The following RB1CC1 variants were observed in gnomAD, a reference collection of about 807,000 sequenced individuals.
RB1CC1 encodes the protein RB1-inducible coiled-coil protein 1.
A neutral mutation model predicts 177.5 loss-of-function variants in RB1CC1; 46 were observed. The ratio of observed to expected loss-of-function variants is 0.26; its 90% confidence interval spans 0.20 to 0.33. The LOEUF (loss-of-function observed/expected upper bound fraction) is 0.33. Ranked by LOEUF, RB1CC1 falls within the 10% of genes least tolerant of loss-of-function variation. The pLI is 1.00. For missense variants in RB1CC1, 1,703 were observed against 1,816.3 expected, an observed-to-expected ratio of 0.94 and a Z score of 1.13; for synonymous variants, 666 against 613.6, an observed-to-expected ratio of 1.09 and a Z score of -1.26.
intron 22 of RB1CC1, 143 bp downstream of exon 22, chr8:52,627,889 T>G (rs1848505004): frequency 1.5e-6 from 1 of 659,016 alleles, no homozygotes; most frequent in African/African-American, 1.9e-5. Flanking sequence ...ATCTAGATAA[T>G]ACAGATTTTA....
chr8:52,634,506 G>A (rs551459574), intron 20 of RB1CC1, among the ~76,000 whole-genome samples: 10 of 151,572 alleles, frequency 6.6e-5, no homozygotes, highest in Non-Finnish European at 1.3e-4. Flanking sequence ...AAGCTACAGA[G>A]CAAGACTGTC....
chr8:52,663,924 T>C (rs540629858), intron 8 of RB1CC1, among the ~76,000 whole-genome samples: 1 of 152,314 alleles, frequency 6.6e-6, no homozygotes, highest in Admixed American at 6.5e-5. Flanking sequence ...TTGGAGCTTA[T>C]ATTCTGGGAA....
chr8:52,660,694 C>G, intron 11 of RB1CC1, 37 bp from the exon 12 acceptor site: 1 of 1,542,076 alleles, frequency 6.5e-7, no homozygotes, highest in Non-Finnish European at 8.8e-7. Context: ...TATTTTAGAG[C>G]TTTATTTAAG....
intron 3 of RB1CC1, 113 bp downstream of exon 3, chr8:52,685,286 G>A (rs1854169812): frequency 1.8e-5 from 13 of 739,212 alleles, no homozygotes; most frequent in Non-Finnish European, 2.9e-5. Context: ...TTACAGGCGT[G>A]AGGTACCGCA....
At chr8:52,624,038 G>A (rs774186911) in intron 23 of RB1CC1, among the ~76,000 whole-genome samples, 179 bp from the exon 24 acceptor site, 1 of 151,558 alleles carries the variant, frequency 6.6e-6, no homozygotes, top group African/African-American at 2.4e-5. Flanking sequence ...AGGGATGTGG[G>A]GGTCTTTATC....
intron 5 of RB1CC1, among the ~76,000 whole-genome samples, chr8:52,682,128 A>G (rs559680802): frequency 7.4e-4 from 112 of 152,338 alleles, no homozygotes; most frequent in Non-Finnish European, 1.3e-3. Flanking sequence ...CCACAGGGAC[A>G]GAGCTGCCCC....
rs1346529781 is a variant in RB1CC1, at chr8:52,657,010, A to C, written c.2819T>G (p.Ile940Arg). Residue 940 changes from isoleucine (I) to arginine (R), a missense_variant, in exon 15 of 24, where the codon ATA becomes AGA. Physicochemically the swap from Ile to Arg is moderately conservative, Grantham distance 97. Around this residue, in one of 6 missense-constraint regions of RB1CC1, gnomAD observed 1,169 missense variants for 1,184.7 expected, o/e 0.99. Coordinates refer to ENST00000025008, the MANE Select transcript of RB1CC1 (RefSeq NM_014781.5). The part of the protein sequence containing the change: ...KDQKLLEMEN[I>R]MHSQNCEIKE... ...AATTTCACAATTTTGAGAGTGCATT[A>C]TATTTTCCATCTCTAACAACTTCTG... The C allele has an allele frequency of 6.2e-7, 1 of 1,613,792 alleles. No homozygotes were observed.
rs1855700262 is a variant in RB1CC1 at position 52,698,669 on chromosome 8, GGTTTTTTTTTTTTTTTTTTTT to G, written c.-166-11723_-166-11703del. The stretch of plus-strand genomic sequence containing the variant: ...AACAAAAACTGTATATGTAATGGTT[GGTTTTTTTTTTTTTTTTTTTT>G]TTTTTTTTTTTTTTTTTTTTTTTTT... On this transcript the variant is annotated intron_variant, in intron 1 of 23. Transcript: ENST00000025008. Among the ~76,000 whole-genome samples the G allele has an allele frequency of 1.8e-4, 4 of 22,770 alleles. 1 individual carries two copies. The highest frequency in any genetic ancestry group is 1.4e-4 in the African/African-American group (1 of 7,330). The allele number at this position is 22,770 out of a possible 152,430, so 14.9% of individuals were successfully genotyped here.
intron 16 of RB1CC1, among the ~76,000 whole-genome samples, chr8:52,644,027 A>G (rs1316207275): frequency 6.6e-6 from 1 of 152,100 alleles, no homozygotes; most frequent in Admixed American, 6.5e-5. Flanking sequence ...GTATTAAGCC[A>G]TCTCTATGTA....
Position 52,714,172 on chromosome 8 carries a change from C to A in RB1CC1, c.-264G>T. On this transcript the variant is annotated 5_prime_UTR_variant, in exon 1 of 24. Transcript: ENST00000025008. ...CTAGTCCTCGGCAGCGGTTACCAAC[C>A]GCCCATTCGGCACCGCTAAGCCGAC... is the stretch of plus-strand genomic sequence containing the variant. 3.9e-6 allele frequency: 1 copy of A among 254,552 alleles called. No homozygotes were observed. The highest frequency in any genetic ancestry group is 3.0e-5 in the South Asian group (1 of 33,108). The allele number at this position is 254,552 out of a possible 1,614,324, so 15.8% of individuals were successfully genotyped here.
chr8:52,713,740 G>A (rs1233649317), intron 1 of RB1CC1, among the ~76,000 whole-genome samples: 2 of 152,228 alleles, frequency 1.3e-5, no homozygotes, highest in Non-Finnish European at 2.9e-5. Flanking sequence ...CGGGTACTAA[G>A]CGGCAGCGCA....
At chr8:52,642,671 A>T in intron 17 of RB1CC1, 33 bp downstream of exon 17, 2 of 1,571,396 alleles carry the variant, frequency 1.3e-6, no homozygotes, top group South Asian at 1.2e-5. Context: ...CCACTTTAAA[A>T]AATTAAAAAA....
rs1216211376 is a variant in RB1CC1 at position 52,683,966 on chromosome 8, A to C, written c.119T>G (p.Ile40Ser). ...ATTGACCACCAGCACCTGGTGTTGA[A>C]TAGCAATCTTGTATTTGCTTTGAAT... ...HAIQSKYKIA[I>S]QHQVLVVNGG... The change falls in exon 4 of 24, where the codon ATT becomes AGT. Residue 40 changes from isoleucine to serine, a missense_variant. Around this residue, in one of 6 missense-constraint regions of RB1CC1, gnomAD observed 118 missense variants for 121.2 expected, o/e 0.97. Coordinates refer to ENST00000025008, the MANE Select transcript of RB1CC1 (RefSeq NM_014781.5). The C allele has an allele frequency of 6.2e-7, 1 of 1,614,134 alleles. No individual in the cohort carries two copies.
intron 22 of RB1CC1, among the ~76,000 whole-genome samples, chr8:52,626,223 C>T (rs1848379991): frequency 6.6e-6 from 1 of 152,106 alleles, no homozygotes; most frequent in African/African-American, 2.4e-5. Context: ...AACTGGCATT[C>T]CTCAAAGGAA....
rs1241568090 is a variant in RB1CC1 at position 52,622,976 on chromosome 8, T to C, written c.*806A>G. 2.0e-5 allele frequency: 3 copies of C among 152,186 alleles called. No individual in the cohort carries two copies. The highest frequency in any genetic ancestry group is 3.0e-5 in the Non-Finnish European group (2 of 67,680). The allele number at this position is 152,186 out of a possible 1,614,324, so 9.4% of individuals were successfully genotyped here. A position where few individuals can be genotyped will look rare whatever the true frequency, so the allele number is the denominator to read the frequency against. ...ATTTAAATGACCTCTAAATGGTTAA[T>C]GTGCAATGAATATCTTTTGTTCTGA... On this transcript the variant is annotated 3_prime_UTR_variant, in exon 24 of 24. Coordinates refer to ENST00000025008, the MANE Select transcript of RB1CC1 (RefSeq NM_014781.5).
intron 1 of RB1CC1, among the ~76,000 whole-genome samples, chr8:52,703,142 G>T (rs1407116659): frequency 3.3e-5 from 5 of 151,780 alleles, no homozygotes; most frequent in African/African-American, 1.2e-4. Flanking sequence ...AATCAACTTG[G>T]TTTAATATAT....
chr8:52,709,793 T>A (rs1291522616), intron 1 of RB1CC1, among the ~76,000 whole-genome samples: 1 of 152,140 alleles, frequency 6.6e-6, no homozygotes, highest in Non-Finnish European at 1.5e-5. Context: ...TATGATAAGG[T>A]GAAAGGGGGA....
chr8:52,664,735 T>C (rs1180954836), intron 8 of RB1CC1, among the ~76,000 whole-genome samples: 1 of 152,144 alleles, frequency 6.6e-6, no homozygotes, highest in African/African-American at 2.4e-5. Flanking sequence ...TCGCAAATAA[T>C]GCATTCTTCC....
intron 18 of RB1CC1, among the ~76,000 whole-genome samples, chr8:52,637,467 A>G (rs1204096221): frequency 6.6e-6 from 1 of 152,108 alleles, no homozygotes; most frequent in Non-Finnish European, 1.5e-5. Context: ...CCTCCTGAGT[A>G]GCTGGGACCA....
Sources: allele counts gnomAD v4.1 joint callset (sites outside exome capture counted in the v4.1 genomes callset), GRCh38; gene constraint gnomAD v4.1.1; regional missense constraint gnomAD v4.1.1; transcripts MANE v1.5; gene names NCBI Gene and HGNC (gene_info 2026-07-23, HGNC 2026-07-21).